The following TRPM7 variants were observed in gnomAD, a reference collection of about 807,000 sequenced individuals.
The protein encoded by TRPM7 is LTRPC ion channel family member 7.
Under a neutral mutation model 229.7 loss-of-function variants are expected in TRPM7, and 134 were observed. The observed-to-expected ratio is 0.58, with a 90% CI of 0.51 to 0.67. TRPM7 has a LOEUF of 0.67. Among genes scored for constraint, TRPM7 ranks in the 30% least tolerant of loss-of-function variants. The pLI, the probability that TRPM7 is intolerant of heterozygous loss-of-function variation, is 0.00. For missense variants in TRPM7, 1,901 were observed against 2,210.0 expected, an observed-to-expected ratio of 0.86 and a Z score of 2.80; for synonymous variants, 699 against 715.2, an observed-to-expected ratio of 0.98 and a Z score of 0.36.
chr15:50,615,163 C>CAAAAAAAAAAAAAAAAAAAAAAAAAAA, intron 13 of TRPM7, among the ~76,000 whole-genome samples: 1 of 94,582 alleles, frequency 1.1e-5, no homozygotes, highest in Non-Finnish European at 2.1e-5. Context: ...GACTTTGTCT[C>CAAAAAAAAAAAAAAAAAAAAAAAAAAA]AAAAAAAAAA....
chr15:50,592,605 C>T lies in TRPM7; in HGVS notation c.3630G>A (p.Gln1210=). 1.3e-6 allele frequency: 2 copies of T among 1,599,628 alleles called. No homozygotes were observed. The highest frequency in any genetic ancestry group is 2.2e-5 in the East Asian group (1 of 44,780). Residue 1210 remains glutamine, a synonymous_variant, in exon 26 of 39, where the codon CAG becomes CAA. Transcript: ENST00000646667. Reference sequence around the variant, plus strand: ...TGACACGATCTCCAACTTCTTTAATCTGAATGCACATCTGTTCCACTCTGT... The same window carrying T: ...TGACACGATCTCCAACTTCTTTAATTTGAATGCACATCTGTTCCACTCTGT... ...TFERVEQMCI[Q]IKEVGDRVNY... is the part of the protein sequence containing the mutation.
At chr15:50,573,121 C>T (rs2053967000) in intron 36 of TRPM7, among the ~76,000 whole-genome samples, 1 of 152,158 alleles carries the variant, frequency 6.6e-6, no homozygotes, top group South Asian at 2.1e-4. Context: ...AGTCTATCTG[C>T]TAAGATGGCT....
chr15:50,589,928 G>A (rs541864879), intron 26 of TRPM7, among the ~76,000 whole-genome samples: 11 of 152,122 alleles, frequency 7.2e-5, no homozygotes, highest in African/African-American at 2.4e-4. Flanking sequence ...TGTGACCTTG[G>A]CTCACTTCAA....
At chr15:50,589,501 T>C (rs1220514621) in intron 27 of TRPM7, 91 bp downstream of exon 27, 2 of 902,304 alleles carry the variant, frequency 2.2e-6, no homozygotes, top group African/African-American at 1.7e-5. Flanking sequence ...AACTGTATTT[T>C]TGCTGAAAAA....
In TRPM7 at chr15:50,578,667, A is replaced by C; in HGVS notation, c.4593-3T>G. The C allele has an allele frequency of 6.2e-7, 1 of 1,606,548 alleles. No individual in the cohort carries two copies. The highest frequency in any genetic ancestry group is 8.5e-7 in the Non-Finnish European group (1 of 1,175,504). On this transcript the variant is annotated splice_polypyrimidine_tract_variant and splice_region_variant and intron_variant, in intron 30 of 38. Transcript: ENST00000646667. Reference sequence around the variant, plus strand: ...TTAATGTTCCTTCTTCAGATGGCCTAAAGAAACACCAAAAAATATAGTATA... The same window carrying C: ...TTAATGTTCCTTCTTCAGATGGCCTCAAGAAACACCAAAAAATATAGTATA...
chr15:50,611,811 C>A (rs756012969), intron 16 of TRPM7, among the ~76,000 whole-genome samples: 1 of 152,210 alleles, frequency 6.6e-6, no homozygotes, highest in Non-Finnish European at 1.5e-5. Flanking sequence ...CTAAATACCC[C>A]ACTTGGGGAG....
At chr15:50,590,304 T>C (rs1464230366) in intron 26 of TRPM7, among the ~76,000 whole-genome samples, 2 of 152,052 alleles carry the variant, frequency 1.3e-5, no homozygotes, top group African/African-American at 4.8e-5. Context: ...ATTACATATA[T>C]ACGGATAATC....
rs773666560 is a variant in TRPM7 at position 50,613,777 on chromosome 15, T to C, written c.1700A>G (p.Asn567Ser). Residue 567 changes from asparagine (N) to serine (S), a missense_variant, in exon 15 of 39, where the codon AAT (asparagine) becomes AGT (serine). This residue lies in a region of TRPM7 where 794 missense variants were observed against 881.9 expected (regional missense o/e 0.90). Transcript: ENST00000646667. ...QLRKSHESFG[N>S]RADKKEKMRH... ...CATTTTTTCCTTTTTATCTGCCCTA[T>C]TGCCAAAAGATTCATGACTCTTTCG... 9.9e-6 allele frequency: 16 copies of C among 1,613,932 alleles called. No individual in the cohort carries two copies. The highest frequency in any genetic ancestry group is 1.7e-5 in the Admixed American group (1 of 59,992).
rs1030267088 is a variant in TRPM7 at position 50,560,656 on chromosome 15, C to T, written c.*1022G>A. On this transcript the variant is annotated 3_prime_UTR_variant, in exon 39 of 39. Coordinates refer to ENST00000646667, the MANE Select transcript of TRPM7 (RefSeq NM_017672.6). ...TACATTTTATTGGCATAAGGTTGCA[C>T]TGCAATCTGCCAGTATCACATAATG... The T allele has an allele frequency of 1.3e-5, 2 of 152,612 alleles. No individual in the cohort carries two copies. The highest frequency in any genetic ancestry group is 2.9e-5 in the Non-Finnish European group (2 of 68,028). 9.5% of individuals were successfully genotyped at this position (152,612 alleles called of 1,614,324 possible).
chr15:50,580,352 A>G (rs2054340185), intron 30 of TRPM7, among the ~76,000 whole-genome samples: 1 of 152,232 alleles, frequency 6.6e-6, no homozygotes, highest in South Asian at 2.1e-4. Context: ...GGGGACAATA[A>G]CCTGTCAGAT....
intron 19 of TRPM7, among the ~76,000 whole-genome samples, chr15:50,608,418 T>C (rs2140456953): frequency 6.6e-6 from 1 of 150,910 alleles, no homozygotes; most frequent in South Asian, 2.1e-4. Context: ...AGTCACATCC[T>C]TTATTTGATT....
intron 4 of TRPM7, 120 bp from the exon 5 acceptor site, chr15:50,643,673 G>A: frequency 1.4e-6 from 1 of 695,126 alleles, no homozygotes; most frequent in Non-Finnish European, 2.4e-6. Flanking sequence ...GATTTCATAG[G>A]CTATTTTCAA....
intron 5 of TRPM7, among the ~76,000 whole-genome samples, chr15:50,642,641 T>G (rs1217413047): frequency 3.3e-5 from 5 of 152,186 alleles, no homozygotes; most frequent in Non-Finnish European, 7.3e-5. Flanking sequence ...CCTTCCACCA[T>G]GATTATAAAT....
At position 50,609,978 on chromosome 15, in the gene TRPM7, A is replaced by G. The variant is rs752096993; in HGVS notation, c.2281-17T>C. ...TAGTATGACCTAAATTTTTAGAAAC[A>G]TAATTTTGCATTTAAAAATTAATGA... On this transcript the variant is annotated splice_polypyrimidine_tract_variant and intron_variant, in intron 17 of 38. Transcript: ENST00000646667. 22 of 1,521,572 alleles carry G rather than the reference A, an allele frequency of 1.4e-5. No homozygotes were observed. The highest frequency in any genetic ancestry group is 2.3e-5 in the East Asian group (1 of 43,588). The allele number at this position is 1,521,572 out of a possible 1,614,324, so 94.3% of individuals were successfully genotyped here.
At chr15:50,680,525 C>T (rs1204584400) in intron 1 of TRPM7, among the ~76,000 whole-genome samples, 1 of 150,914 alleles carries the variant, frequency 6.6e-6, no homozygotes, top group Non-Finnish European at 1.5e-5. Context: ...GCCAAGATCG[C>T]ACCACTGAAC....
chr15:50,684,626 C>T (rs1412650531), intron 1 of TRPM7, among the ~76,000 whole-genome samples: 1 of 151,376 alleles, frequency 6.6e-6, no homozygotes, highest in African/African-American at 2.4e-5. Context: ...GGCAACAGAG[C>T]GAGACTCGGT....
chr15:50,655,077 AAC>A (rs1358676748), intron 3 of TRPM7, among the ~76,000 whole-genome samples: 2 of 148,436 alleles, frequency 1.3e-5, no homozygotes, highest in East Asian at 3.9e-4. Context: ...AATAAGAGTG[AAC>A]CTGAAGACAT....
chr15:50,611,322 C>T lies in TRPM7; in HGVS notation c.2052-1G>A. Reference sequence around the variant, plus strand: ...TTCAACGGCCAACTGACCAAAATCACTATAAAAAGATAAAAGCCAAAATAT... The same window carrying T: ...TTCAACGGCCAACTGACCAAAATCATTATAAAAAGATAAAAGCCAAAATAT... On this transcript the variant is annotated splice_acceptor_variant, in intron 16 of 38. Coordinates refer to ENST00000646667, the MANE Select transcript of TRPM7 (RefSeq NM_017672.6). LOFTEE classifies it high-confidence loss of function. 1.2e-6 allele frequency: 2 copies of T among 1,610,480 alleles called. No homozygotes were observed. The highest frequency in any genetic ancestry group is 1.7e-6 in the Non-Finnish European group (2 of 1,178,260).
At chr15:50,658,517 C>T (rs1253114381) in intron 2 of TRPM7, among the ~76,000 whole-genome samples, 1 of 150,976 alleles carries the variant, frequency 6.6e-6, no homozygotes, top group African/African-American at 2.4e-5. Flanking sequence ...CTAAAGTGAG[C>T]CATGATCATG....
Sources: gnomAD v4.1 joint callset for allele counts (sites outside exome capture counted in the v4.1 genomes callset) on GRCh38, gnomAD v4.1.1 for gene constraint, gnomAD v4.1.1 regional missense constraint, MANE v1.5 for transcripts, NCBI Gene and HGNC (gene_info 2026-07-23, HGNC 2026-07-21) for gene names.